SERPINB10: variants seen among roughly 807,000 people sequenced by gnomAD.
The protein encoded by SERPINB10 is serpin B10.
Under a neutral mutation model 39.1 loss-of-function variants are expected in SERPINB10, and 35 were observed. The ratio of observed to expected loss-of-function variants is 0.90; its 90% CI spans 0.68 to 1.19. The LOEUF is 1.19. SERPINB10 is among the 50% of genes most tolerant of loss of function. The probability of loss-of-function intolerance (pLI) is 0.00; values close to 1 mark genes in which losing one functional copy is unlikely to be tolerated. For missense variants in SERPINB10, 546 were observed against 460.5 expected, an observed-to-expected ratio of 1.19 and a Z score of -1.70; for synonymous variants, 190 against 158.1, an observed-to-expected ratio of 1.20 and a Z score of -1.52.
At chr18:63,910,026 G>A (rs751216656) in intron 1 of SERPINB10, among the ~76,000 whole-genome samples, 10 of 151,992 alleles carry the variant, frequency 6.6e-5, no homozygotes, top group Non-Finnish European at 1.3e-4. Flanking sequence ...TGATTTAGAG[G>A]TGGGGAAGCT....
chr18:63,934,801 A>G (rs1351679687), intron 7 of SERPINB10, 37 bp from the exon 8 acceptor site: 1 of 1,558,200 alleles, frequency 6.4e-7, no homozygotes, highest in Non-Finnish European at 8.7e-7. Flanking sequence ...CCACTTTGGA[A>G]TTACTGATTC....
chr18:63,920,859 C>T (rs913782201), intron 5 of SERPINB10, among the ~76,000 whole-genome samples: 25 of 151,876 alleles, frequency 1.6e-4, no homozygotes, highest in African/African-American at 5.8e-4. Context: ...CCATTTGTCA[C>T]CTAAATTTCA....
At chr18:63,930,208 A>G (rs921777983) in intron 6 of SERPINB10, 21 bp downstream of exon 6, 2 of 1,610,642 alleles carry the variant, frequency 1.2e-6, no homozygotes, top group Non-Finnish European at 1.7e-6. Context: ...TTTAAAGATC[A>G]GTTTGGATTT....
intron 7 of SERPINB10, 105 bp downstream of exon 7, chr18:63,933,308 C>T: frequency 8.0e-7 from 1 of 1,252,248 alleles, no homozygotes; most frequent in Non-Finnish European, 1.1e-6. Context: ...AGAATGTTCT[C>T]CCTATTATTT....
chr18:63,935,074 G>A lies in SERPINB10; in HGVS notation c.1026G>A (p.Val342=). 6.2e-7 allele frequency: 1 copy of A among 1,614,154 alleles called. No individual in the cohort carries two copies. Among genetic ancestry groups the A allele is most frequent in the South Asian group, 1.1e-5 (1 of 91,090 alleles). The change falls in exon 8 of 8, where the codon GTG becomes GTA. Residue 342 remains valine, a synonymous_variant. Transcript: ENST00000238508. ...CCAATGTTTTCCATAAGGCTTTTGT[G>A]GAAATAAATGAACAAGGTACTGAAG... ...FLSNVFHKAF[V]EINEQGTEAA... is the part of the protein sequence containing the mutation.
intron 5 of SERPINB10, among the ~76,000 whole-genome samples, chr18:63,928,475 G>A (rs2050195726): frequency 6.6e-6 from 1 of 152,052 alleles, no homozygotes; most frequent in African/African-American, 2.4e-5. Flanking sequence ...AGAAGCAATT[G>A]CACACAGCAA....
chr18:63,927,661 A>G (rs1457934855), intron 5 of SERPINB10, among the ~76,000 whole-genome samples: 1 of 152,124 alleles, frequency 6.6e-6, no homozygotes, highest in East Asian at 1.9e-4. Context: ...TATCACACTG[A>G]ACATTAGGTT....
At chr18:63,922,476 A>T (rs2050153213) in intron 5 of SERPINB10, among the ~76,000 whole-genome samples, 2 of 151,918 alleles carry the variant, frequency 1.3e-5, no homozygotes, top group Non-Finnish European at 2.9e-5. Flanking sequence ...GAGTTGGGCA[A>T]AATGTTATGT....
chr18:63,914,015 TA>T (rs2050084325), intron 1 of SERPINB10, among the ~76,000 whole-genome samples: 1 of 152,122 alleles, frequency 6.6e-6, no homozygotes, highest in Non-Finnish European at 1.5e-5. Flanking sequence ...TGCCATTATA[TA>T]ATACCCTTCT....
In SERPINB10 at chr18:63,908,026, G is replaced by A. The variant is rs753317570; in HGVS notation, c.-24G>A. ...GGAGCAAATTGCCAATTCTGCTCCA[G>A]TGGGAGAAAACAAGGTATTGTAAAT... On this transcript the variant is annotated 5_prime_UTR_variant, in exon 1 of 8. It adds an upstream start codon to the 5' untranslated region. Transcript: ENST00000238508. 1 of 342,328 alleles carries A rather than the reference G, an allele frequency of 2.9e-6. No homozygotes were observed. The highest frequency in any genetic ancestry group is 6.0e-6 in the Non-Finnish European group (1 of 165,376). The allele number at this position is 342,328 out of a possible 1,614,324, so 21.2% of individuals were successfully genotyped here.
At chr18:63,925,778 A>G (rs2050177090) in intron 5 of SERPINB10, among the ~76,000 whole-genome samples, 1 of 152,008 alleles carries the variant, frequency 6.6e-6, no homozygotes, top group Non-Finnish European at 1.5e-5. Context: ...ATTGTTTTAG[A>G]TAGGAATTAT....
At chr18:63,917,578 A>G in intron 3 of SERPINB10, 57 bp downstream of exon 3, 3 of 1,046,858 alleles carry the variant, frequency 2.9e-6, no homozygotes, top group Non-Finnish European at 4.1e-6. Context: ...CTTTTAGCAC[A>G]TGTATTTTAG....
chr18:63,910,064 G>T (rs898860405), intron 1 of SERPINB10, among the ~76,000 whole-genome samples: 6 of 151,902 alleles, frequency 3.9e-5, no homozygotes, highest in Non-Finnish European at 8.8e-5. Flanking sequence ...TTTATGGCTA[G>T]GGGGGATTCC....
At chr18:63,930,245 CTT>C in intron 6 of SERPINB10, 58 bp downstream of exon 6, 2 of 1,547,236 alleles carry the variant, frequency 1.3e-6, no homozygotes, top group Non-Finnish European at 1.8e-6. Context: ...AAGTGATTCT[CTT>C]ATAAATTCAC....
intron 1 of SERPINB10, among the ~76,000 whole-genome samples, chr18:63,909,554 T>G (rs1277108622): frequency 6.6e-6 from 1 of 152,050 alleles, no homozygotes; most frequent in Non-Finnish European, 1.5e-5. Context: ...AACTAAATAT[T>G]AAGCTTACAT....
intron 1 of SERPINB10, among the ~76,000 whole-genome samples, chr18:63,909,217 G>A (rs1179519664): frequency 1.3e-5 from 2 of 152,056 alleles, no homozygotes; most frequent in African/African-American, 4.8e-5. Context: ...TAGATGATCA[G>A]TTTATAGCTC....
intron 1 of SERPINB10, among the ~76,000 whole-genome samples, chr18:63,910,549 CA>C (rs1354432424): frequency 1.3e-5 from 2 of 151,928 alleles, no homozygotes; most frequent in Non-Finnish European, 2.9e-5. Flanking sequence ...TAAATGAGAA[CA>C]TGTGGTATTT....
At chr18:63,922,125 T>C (rs2050151046) in intron 5 of SERPINB10, among the ~76,000 whole-genome samples, 1 of 151,962 alleles carries the variant, frequency 6.6e-6, no homozygotes, top group African/African-American at 2.4e-5. Context: ...CAGCTTTAAA[T>C]CACACATAAC....
chr18:63,931,705 A>G (rs904257396), intron 6 of SERPINB10, among the ~76,000 whole-genome samples: 1 of 152,132 alleles, frequency 6.6e-6, no homozygotes, highest in Non-Finnish European at 1.5e-5. Context: ...CTTATTATTA[A>G]CATCTTACAT....
Sources: allele counts gnomAD v4.1 joint callset (sites outside exome capture counted in the v4.1 genomes callset), GRCh38; gene constraint gnomAD v4.1.1; transcripts MANE v1.5; gene names NCBI Gene and HGNC (gene_info 2026-07-23, HGNC 2026-07-21).